Variants in CCSER1 observed in about 807,000 individuals in gnomAD.
The protein encoded by CCSER1 is coiled-coil serine rich protein 1.
Under a neutral mutation model 82.0 loss-of-function variants are expected in CCSER1, and 41 were observed. The ratio of observed to expected loss-of-function variants is 0.50; its 90% CI spans 0.39 to 0.65. CCSER1 has a LOEUF of 0.65. CCSER1 is among the 30% of genes least tolerant of loss of function. CCSER1 has a pLI of 0.00. For synonymous variants in CCSER1, 414 were observed against 383.9 expected (o/e 1.08, Z -0.92); for missense variants, 1,119 against 1,064.2 (o/e 1.05, Z -0.72).
intron 8 of CCSER1, among the ~76,000 whole-genome samples, chr4:90,861,952 T>C (rs1485157995): frequency 6.8e-6 from 1 of 147,856 alleles, no homozygotes; most frequent in Non-Finnish European, 1.5e-5. Flanking sequence ...AGACTAGTGT[T>C]GATTGCTCAG....
intron 10 of CCSER1, among the ~76,000 whole-genome samples, chr4:91,287,805 C>T (rs1240881275): frequency 2.0e-5 from 3 of 151,712 alleles, no homozygotes; most frequent in South Asian, 2.1e-4. Flanking sequence ...TAAGCTAATA[C>T]AATAGATAGC....
At chr4:91,302,363 G>T (rs1369044415) in intron 10 of CCSER1, among the ~76,000 whole-genome samples, 1 of 151,856 alleles carries the variant, frequency 6.6e-6, no homozygotes, top group African/African-American at 2.4e-5. Flanking sequence ...AATCTTGTTA[G>T]CTCTACTTTC....
In CCSER1 at chr4:90,262,998, T is replaced by C. The variant is rs1317700085; in HGVS notation, c.-41-45246T>C. ...CTGTGGGAGGAGTCTCAGTTGTGTC[T>C]GCAGTTGTGGACAAGGCAGAAACAA... On this transcript the variant is annotated intron_variant, in intron 1 of 10. Transcript: ENST00000509176. Among the ~76,000 whole-genome samples the C allele has an allele frequency of 5.9e-5, 9 of 152,134 alleles. 1 individual carries two copies. The highest frequency in any genetic ancestry group is 1.9e-4 in the African/African-American group (8 of 41,426).
intron 9 of CCSER1, among the ~76,000 whole-genome samples, chr4:91,066,367 G>A (rs979823045): frequency 8.5e-5 from 13 of 152,172 alleles, no homozygotes; most frequent in African/African-American, 2.9e-4. Context: ...GAGAAATGAA[G>A]CACAGAGCAG....
intron 1 of CCSER1, among the ~76,000 whole-genome samples, chr4:90,257,109 C>T (rs772923091): frequency 5.9e-5 from 9 of 151,714 alleles, no homozygotes; most frequent in Middle Eastern, 3.4e-3. Context: ...TAGTGGTGGT[C>T]TTAACAGCAG....
intron 7 of CCSER1, among the ~76,000 whole-genome samples, chr4:90,779,824 T>G (rs1167613259): frequency 6.6e-6 from 1 of 152,256 alleles, no homozygotes; most frequent in Non-Finnish European, 1.5e-5. Flanking sequence ...TTCCCCCTAT[T>G]AAATACAGTT....
At position 90,437,022 on chromosome 4, in the gene CCSER1, C is replaced by T. The variant is rs1181871702; in HGVS notation, c.1604-31212C>T. ...ATTTTTAGTAGAGTTAGGGTTTCAC[C>T]GTGTTAGCCAGGATGGTCTCAATCT... On this transcript the variant is annotated intron_variant, in intron 4 of 10. Coordinates refer to ENST00000509176, the MANE Select transcript of CCSER1 (RefSeq NM_001145065.2). 3.9e-5 allele frequency among the ~76,000 whole-genome samples: 6 copies of T among 151,932 alleles called. No individual in the cohort carries two copies. The East Asian group carries it at 5.8e-4, about 15-fold the overall frequency.
chr4:90,544,443 A>C (rs1776498653), intron 5 of CCSER1, among the ~76,000 whole-genome samples: 1 of 152,082 alleles, frequency 6.6e-6, no homozygotes, highest in African/African-American at 2.4e-5. Context: ...CCTAGCGTGA[A>C]ACTTCTGATT....
chr4:91,404,383 G>C (rs1213782783), intron 10 of CCSER1, among the ~76,000 whole-genome samples: 1 of 151,740 alleles, frequency 6.6e-6, no homozygotes, highest in Non-Finnish European at 1.5e-5. Context: ...GTTTTTTTCT[G>C]TCTCTGTCTC....
At chr4:91,114,137 C>G (rs1581582463) in intron 10 of CCSER1, among the ~76,000 whole-genome samples, 1 of 152,168 alleles carries the variant, frequency 6.6e-6, no homozygotes, top group South Asian at 2.1e-4. Flanking sequence ...CAGGCTTGAG[C>G]CACCATGCCC....
At chr4:90,205,885 G>A (rs1418162177) in intron 1 of CCSER1, among the ~76,000 whole-genome samples, 2 of 151,966 alleles carry the variant, frequency 1.3e-5, no homozygotes, top group Non-Finnish European at 2.9e-5. Context: ...ACTTTTTATT[G>A]GTCTATTCAG....
At chr4:90,268,302 G>T (rs1175852697) in intron 1 of CCSER1, among the ~76,000 whole-genome samples, 1 of 152,074 alleles carries the variant, frequency 6.6e-6, no homozygotes, top group Non-Finnish European at 1.5e-5. Context: ...TAAGTAGAAA[G>T]ATGAAAAGAT....
chr4:90,359,879 G>A (rs1231749597), intron 3 of CCSER1, among the ~76,000 whole-genome samples: 95 of 145,184 alleles, frequency 6.5e-4, no homozygotes, highest in African/African-American at 2.2e-3. Context: ...ATATATGTGT[G>A]TATATATATG....
rs1432951798 is a variant in CCSER1, at chr4:91,296,481, A to ATT, written c.2217+210488_2217+210489insTT. On this transcript the variant is annotated intron_variant, in intron 10 of 10. Coordinates refer to ENST00000509176, the MANE Select transcript of CCSER1 (RefSeq NM_001145065.2). ...TATATATATATGTATATATATATATATATATTTTAATTAAATATACAGTTA... is the reference window on the plus strand; with the variant it reads ...TATATATATATGTATATATATATATATTTATATTTTAATTAAATATACAGTTA... Among the ~76,000 whole-genome samples the ATT allele has an allele frequency of 5.2e-4, 72 of 138,444 alleles. 3 individuals are homozygous for ATT. The highest frequency in any genetic ancestry group is 1.6e-3 in the African/African-American group (57 of 35,836). The allele number at this position is 138,444 out of a possible 152,430, so 90.8% of individuals were successfully genotyped here. A position where few individuals can be genotyped will look rare whatever the true frequency, so the allele number is the denominator to read the frequency against.
At chr4:90,964,647 C>T (rs34410287) in intron 9 of CCSER1, among the ~76,000 whole-genome samples, 12,148 of 149,978 alleles carry the variant, frequency 0.081, 746 homozygotes, top group East Asian at 0.2. Context: ...ATGGCATGAA[C>T]CCGGGAGGCA....
Position 91,370,052 on chromosome 4 carries a change from AAAATTG to A in CCSER1, c.2218-228518_2218-228513del, listed in dbSNP as rs539760463. On this transcript the variant is annotated intron_variant, in intron 10 of 10. Transcript: ENST00000509176. ...TATATGATACTTATTGTGGTTTCTT[AAAATTG>A]ATACTAGTCTATTTAACCATGTAGA... Among the ~76,000 whole-genome samples, 254 of 152,152 alleles carry A rather than the reference AAAATTG, an allele frequency of 1.7e-3. 2 individuals carry two copies. Among genetic ancestry groups the A allele is most frequent in the African/African-American group, 5.4e-3 (223 of 41,530 alleles).
At chr4:90,520,720 AC>A (rs1382442410) in intron 5 of CCSER1, among the ~76,000 whole-genome samples, 1 of 152,202 alleles carries the variant, frequency 6.6e-6, no homozygotes, top group African/African-American at 2.4e-5. Flanking sequence ...TCTTAAAAAA[AC>A]AATTGTGCGC....
intron 5 of CCSER1, among the ~76,000 whole-genome samples, chr4:90,473,504 C>A (rs529015179): frequency 4.7e-4 from 71 of 152,264 alleles, no homozygotes; most frequent in African/African-American, 1.5e-3. Flanking sequence ...GCTTCAGTTT[C>A]TTGTCATGAA....
At position 91,553,820 on chromosome 4, in the gene CCSER1, T is replaced by G. The variant is rs1483977782; in HGVS notation, c.2218-44752T>G. The stretch of plus-strand genomic sequence containing the variant: ...ATTTATATATCCACTCTTTTTTCTT[T>G]TAGTCTAGCTAAAGGTTTATCAATT... On this transcript the variant is annotated intron_variant, in intron 10 of 10. Coordinates refer to ENST00000509176, the MANE Select transcript of CCSER1 (RefSeq NM_001145065.2). Among the ~76,000 whole-genome samples the G allele has an allele frequency of 2.0e-5, 3 of 150,976 alleles. 1 individual carries two copies. Among genetic ancestry groups the G allele is most frequent in the Non-Finnish European group, 4.4e-5 (3 of 67,510 alleles).
Sources: allele counts gnomAD v4.1 joint callset (sites outside exome capture counted in the v4.1 genomes callset), GRCh38; gene constraint gnomAD v4.1.1; transcripts MANE v1.5; gene names NCBI Gene and HGNC (gene_info 2026-07-23, HGNC 2026-07-21).